Variants in CNDP1 observed in about 807,000 individuals in gnomAD.
The protein encoded by CNDP1 is beta-Ala-His dipeptidase.
In CNDP1, 44 loss-of-function variants were observed where a neutral mutation model predicts 58.1. The ratio of observed to expected loss-of-function variants is 0.76; its 90% CI spans 0.60 to 0.97. The LOEUF is 0.97. Ranked by LOEUF, CNDP1 falls within the 50% of genes least tolerant of loss-of-function variation. CNDP1 has a pLI of 0.00. For synonymous variants in CNDP1, 254 were observed against 252.6 expected, an observed-to-expected ratio of 1.01 and a Z score of -0.05; for missense variants, 616 against 655.1, an observed-to-expected ratio of 0.94 and a Z score of 0.65.
At position 74,568,117 on chromosome 18, in the gene CNDP1, C is replaced by T. The variant is rs116360160; in HGVS notation, c.756+684C>T. Among the ~76,000 whole-genome samples the T allele has an allele frequency of 2.8e-3, 423 of 152,252 alleles. 1 individual carries two copies. The highest frequency in any genetic ancestry group is 9.3e-3 in the African/African-American group (388 of 41,532). ...GATAGTGCATAAGACATAGAAAGTC[C>T]CTCCCGGGTAAATAGCTAATTATTT... On this transcript the variant is annotated intron_variant, in intron 6 of 11. Coordinates refer to ENST00000358821, the MANE Select transcript of CNDP1 (RefSeq NM_032649.6).
chr18:74,554,597 C>A (rs1299802066), intron 1 of CNDP1, among the ~76,000 whole-genome samples: 1 of 152,082 alleles, frequency 6.6e-6, no homozygotes, highest in Non-Finnish European at 1.5e-5. Context: ...AAGGGATGGG[C>A]AGGAGCATGG....
At chr18:74,558,328 G>A (rs931837229) in intron 2 of CNDP1, among the ~76,000 whole-genome samples, 4 of 151,708 alleles carry the variant, frequency 2.6e-5, no homozygotes, top group Admixed American at 2.6e-4. Flanking sequence ...GCTGGGCACT[G>A]TGCACACGTT....
Position 74,570,222 on chromosome 18 carries a change from T to TAATAAC in CNDP1, c.757-959_757-958insCAATAA, listed in dbSNP as rs1568298338. Among the ~76,000 whole-genome samples, 630 of 115,794 alleles carry TAATAAC rather than the reference T, an allele frequency of 5.4e-3. 5 individuals are homozygous for TAATAAC. The highest frequency in any genetic ancestry group is 0.022 in the African/African-American group (597 of 26,944). 76.0% of individuals were successfully genotyped at this position (115,794 alleles called of 152,430 possible). On this transcript the variant is annotated intron_variant, in intron 6 of 11. Transcript: ENST00000358821. ...TCAAAATAATAATAATAATAATTAA[T>TAATAAC]AATAATAATAATAAATAATTAAAAA...
At chr18:74,579,746 A>G (rs558097364) in intron 9 of CNDP1, among the ~76,000 whole-genome samples, 5 of 152,224 alleles carry the variant, frequency 3.3e-5, no homozygotes, top group Non-Finnish European at 5.9e-5. Flanking sequence ...GTCCAAAAAG[A>G]GGACGATTCA....
chr18:74,538,711 T>A (rs906107820), intron 1 of CNDP1, among the ~76,000 whole-genome samples: 1 of 152,216 alleles, frequency 6.6e-6, no homozygotes, highest in Non-Finnish European at 1.5e-5. Context: ...TATCTGACTT[T>A]GTGATTCCCG....
Position 74,534,544 on chromosome 18 carries a change from G to A in CNDP1, c.-124G>A. On this transcript the variant is annotated 5_prime_UTR_variant, in exon 1 of 12. Transcript: ENST00000358821. ...ATACCAGCCTCGTCTTCCTTCCGGG[G>A]GACAACGTGGGTCAGGGCACAGAGA... The A allele has an allele frequency of 1.0e-6, 1 of 983,570 alleles. No individual in the cohort carries two copies. Among genetic ancestry groups the A allele is most frequent in the Admixed American group, 2.0e-5 (1 of 50,288 alleles). 60.9% of individuals were successfully genotyped at this position (983,570 alleles called of 1,614,324 possible).
intron 9 of CNDP1, among the ~76,000 whole-genome samples, chr18:74,579,213 C>CTCCCTTTCCTTCCCTTCCCTTG (rs1981721609): frequency 1.8e-5 from 1 of 56,290 alleles, no homozygotes; most frequent in Non-Finnish European, 4.1e-5. Context: ...GCCTTCCCTT[C>CTCCCTTTCCTTCCCTTCCCTTG]CCTTCCCTTC....
chr18:74,585,688 G>A lies in CNDP1; in HGVS notation c.*1126G>A, dbSNP rs1307176768. Reference sequence around the variant, plus strand: ...GCTTATTAAAATTTTTTTCTATTATGACTCCAAATAAAAACAAAGCAGAGG... The same window carrying A: ...GCTTATTAAAATTTTTTTCTATTATAACTCCAAATAAAAACAAAGCAGAGG... On this transcript the variant is annotated 3_prime_UTR_variant, in exon 12 of 12. Coordinates refer to ENST00000358821, the MANE Select transcript of CNDP1 (RefSeq NM_032649.6). 1 of 151,844 alleles carries A rather than the reference G, an allele frequency of 6.6e-6. No individual in the cohort carries two copies. Among genetic ancestry groups the A allele is most frequent in the Non-Finnish European group, 1.5e-5 (1 of 67,944 alleles). 9.4% of individuals were successfully genotyped at this position (151,844 alleles called of 1,614,324 possible). A position where few individuals can be genotyped will look rare whatever the true frequency, so the allele number is the denominator to read the frequency against.
At chr18:74,584,445 C>A (rs1981862527) in intron 11 of CNDP1, 51 bp from the exon 12 acceptor site, 2 of 1,273,984 alleles carry the variant, frequency 1.6e-6, no homozygotes, top group African/African-American at 2.9e-5. Flanking sequence ...TTTCCTCCTT[C>A]ATTTGAATGG....
At chr18:74,557,230 G>A (rs1051646046) in intron 2 of CNDP1, among the ~76,000 whole-genome samples, 1 of 147,758 alleles carries the variant, frequency 6.8e-6, no homozygotes, top group Non-Finnish European at 1.5e-5. Context: ...CTTTTTTTCT[G>A]TTATTTTTTG....
intron 2 of CNDP1, among the ~76,000 whole-genome samples, chr18:74,558,752 C>T (rs185715038): frequency 2.9e-4 from 44 of 152,264 alleles, no homozygotes; most frequent in Non-Finnish European, 4.9e-4. Context: ...TTAAGGAATA[C>T]ATCCAAAGTC....
At chr18:74,572,344 G>A (rs767628172) in intron 7 of CNDP1, among the ~76,000 whole-genome samples, 3 of 152,038 alleles carry the variant, frequency 2.0e-5, no homozygotes, top group Non-Finnish European at 1.5e-5. Context: ...TCACTTACAG[G>A]AGCTCCTTCC....
At chr18:74,543,097 A>C (rs985521823) in intron 1 of CNDP1, among the ~76,000 whole-genome samples, 1 of 152,290 alleles carries the variant, frequency 6.6e-6, no homozygotes, top group Non-Finnish European at 1.5e-5. Flanking sequence ...AAATGGATGC[A>C]AACGAAGTAT....
At chr18:74,568,923 G>T (rs1981398340) in intron 6 of CNDP1, among the ~76,000 whole-genome samples, 1 of 152,160 alleles carries the variant, frequency 6.6e-6, no homozygotes, top group African/African-American at 2.4e-5. Flanking sequence ...GGTTGTGGTG[G>T]AGAAAGTAGG....
At chr18:74,583,501 G>T (rs933266303) in intron 10 of CNDP1, 60 bp from the exon 11 acceptor site, 13 of 1,441,782 alleles carry the variant, frequency 9.0e-6, no homozygotes, top group Non-Finnish European at 1.2e-5. Flanking sequence ...TGACCTTGAG[G>T]AGCTTCCTGG....
chr18:74,581,579 C>T (rs913971637), intron 10 of CNDP1, among the ~76,000 whole-genome samples: 2 of 152,318 alleles, frequency 1.3e-5, no homozygotes, highest in South Asian at 4.1e-4. Context: ...CACAATGCCA[C>T]ATTGCTTCCC....
intron 6 of CNDP1, among the ~76,000 whole-genome samples, chr18:74,568,914 G>A (rs888195166): frequency 7.2e-5 from 11 of 152,156 alleles, no homozygotes; most frequent in Admixed American, 1.3e-4. Flanking sequence ...ACCCCAGAGG[G>A]TTGTGGTGGA....
At chr18:74,570,065 G>A (rs1981434183) in intron 6 of CNDP1, among the ~76,000 whole-genome samples, 1 of 150,550 alleles carries the variant, frequency 6.6e-6, no homozygotes. Context: ...TGGGCATGGT[G>A]GCGTGCACCT....
intron 1 of CNDP1, among the ~76,000 whole-genome samples, chr18:74,555,488 G>T (rs73971287): frequency 0.16 from 25,062 of 152,138 alleles, 2,513 homozygotes; most frequent in Non-Finnish European, 0.22. Context: ...TCTGATGCTG[G>T]CAGCTCCCAC....
Sources: allele counts gnomAD v4.1 joint callset (sites outside exome capture counted in the v4.1 genomes callset), GRCh38; gene constraint gnomAD v4.1.1; transcripts MANE v1.5; gene names NCBI Gene and HGNC (gene_info 2026-07-23, HGNC 2026-07-21).